The following PAGE2B variants were observed in gnomAD, a reference collection of about 807,000 sequenced individuals.
PAGE2B encodes the protein PAGE family member 2B, also known as putative G antigen family E member 3.
PAGE2B carries 5 observed loss-of-function variants against 7.6 expected under a neutral mutation model. That is an observed-to-expected ratio of 0.66 (90% CI 0.34 to 1.38). The LOEUF (loss-of-function observed/expected upper bound fraction) is 1.38. Among genes scored for constraint, PAGE2B ranks in the 40% most tolerant of loss-of-function variants. The pLI is 0.04. For synonymous variants in PAGE2B, 29 were observed against 26.7 expected (o/e 1.09, Z -0.27); for missense variants, 70 against 78.4 (o/e 0.89, Z 0.41).
At chrX:55,075,271 G>A (rs767677665) in intron 1 of PAGE2B, among the ~76,000 whole-genome samples, 157 bp downstream of exon 1, 2 of 111,905 alleles carry the variant, frequency 1.8e-5, no homozygotes, top group Non-Finnish European at 3.8e-5. Flanking sequence ...GGATGCCACC[G>A]TGGGACTTGT....
the PAGE2B span, among the ~76,000 whole-genome samples, chrX:55,051,132 C>G: frequency 9.0e-6 from 1 of 111,405 alleles, no homozygotes; most frequent in African/African-American, 3.3e-5. Context: ...TGTTGAATAT[C>G]GGCCCCCACT....
chrX:55,043,953 C>T, the PAGE2B span, among the ~76,000 whole-genome samples: 11 of 102,779 alleles, frequency 1.1e-4, no homozygotes, highest in South Asian at 4.3e-4. Context: ...GCAACAAGAG[C>T]GAAACTCTGT....
At chrX:55,060,111 A>T in the PAGE2B span, among the ~76,000 whole-genome samples, 4 of 111,759 alleles carry the variant, frequency 3.6e-5, no homozygotes, top group East Asian at 1.1e-3. Context: ...AAGTGCAGGT[A>T]TGTCTTTGAC....
chrX:55,074,809 GA>G (rs1936485673), upstream of PAGE2B, among the ~76,000 whole-genome samples: 1 of 112,605 alleles, frequency 8.9e-6, no homozygotes, highest in Admixed American at 9.4e-5. Flanking sequence ...GGAAGTGAAA[GA>G]AAGGGTGGGC....
the PAGE2B span, among the ~76,000 whole-genome samples, chrX:55,063,810 G>T: frequency 9.0e-6 from 1 of 111,330 alleles, no homozygotes; most frequent in Non-Finnish European, 1.9e-5. Flanking sequence ...CAATTGAAAT[G>T]ATCATATGGT....
At chrX:55,076,960 G>A (rs1385794001) in intron 3 of PAGE2B, among the ~76,000 whole-genome samples, 2 of 111,134 alleles carry the variant, frequency 1.8e-5, no homozygotes, top group Non-Finnish European at 3.8e-5. Context: ...GTTTTTTGTT[G>A]CTGTGGAAGA....
chrX:55,077,990 AAGAT>A (rs1218773946), intron 4 of PAGE2B, among the ~76,000 whole-genome samples: 1 of 86,607 alleles, frequency 1.2e-5, no homozygotes, highest in African/African-American at 4.8e-5. Flanking sequence ...TTTTTAAAGA[AAGAT>A]GAAAACGTGT....
the PAGE2B span, among the ~76,000 whole-genome samples, chrX:55,028,394 G>A: frequency 5.4e-5 from 6 of 111,204 alleles, no homozygotes; most frequent in Admixed American, 2.9e-4. Context: ...CCAGGCTCCT[G>A]TAAACTCCCC....
chrX:55,037,172 C>G, the PAGE2B span, among the ~76,000 whole-genome samples: 1 of 111,553 alleles, frequency 9.0e-6, no homozygotes, highest in Non-Finnish European at 1.9e-5. Flanking sequence ...GGCTAATATC[C>G]AGAATCTACA....
chrX:55,053,325 A>G, the PAGE2B span, among the ~76,000 whole-genome samples: 2 of 111,761 alleles, frequency 1.8e-5, no homozygotes, highest in African/African-American at 3.3e-5. Flanking sequence ...AACAATGAGA[A>G]CACATGGACA....
the PAGE2B span, among the ~76,000 whole-genome samples, chrX:55,040,799 T>C: frequency 9.0e-6 from 1 of 111,607 alleles, no homozygotes; most frequent in Non-Finnish European, 1.9e-5. Flanking sequence ...ATATGGTAAA[T>C]TTTATGTTAA....
At chrX:55,046,274 C>T in the PAGE2B span, among the ~76,000 whole-genome samples, 11 of 110,764 alleles carry the variant, frequency 9.9e-5, no homozygotes, top group Non-Finnish European at 1.3e-4. Context: ...TCACCACGCC[C>T]AGCTAAATTT....
chrX:55,063,986 A>T, the PAGE2B span, among the ~76,000 whole-genome samples: 1 of 111,270 alleles, frequency 9.0e-6, no homozygotes. Flanking sequence ...TTTTTATATC[A>T]ATATTCATCA....
In PAGE2B at chrX:55,076,124, T is replaced by C. The variant is rs367807556; in HGVS notation, c.83T>C (p.Ile28Thr). 418 of 1,199,394 alleles carry C rather than the reference T, an allele frequency of 3.5e-4. 2 individuals carry two copies. In the South Asian group the frequency reaches 6.6e-3, roughly 19 times the overall value. Reference sequence around the variant, plus strand: ...TCTTCCCAGCCAGTTGGATCTGTGATTGTGAGTCCTTTAACATTTGATGTT... The same window carrying C: ...TCTTCCCAGCCAGTTGGATCTGTGACTGTGAGTCCTTTAACATTTGATGTT... ...QESSQPVGSV[I>T]VQEPTEEKRQ... Residue 28 changes from isoleucine (I) to threonine (T), a missense_variant and splice_region_variant, in exon 2 of 5, where the codon ATT becomes ACT. Transcript: ENST00000374971.
the PAGE2B span, among the ~76,000 whole-genome samples, chrX:55,042,523 G>A: frequency 0.028 from 2,911 of 104,920 alleles, 45 homozygotes; most frequent in Non-Finnish European, 0.046. Flanking sequence ...GCGTAGTGGC[G>A]GGCGCCTGTA....
At chrX:55,065,216 A>G in the PAGE2B span, among the ~76,000 whole-genome samples, 1 of 111,467 alleles carries the variant, frequency 9.0e-6, no homozygotes, top group African/African-American at 3.3e-5. Flanking sequence ...TTTGCTTTAT[A>G]TATCTGGGTG....
the PAGE2B span, among the ~76,000 whole-genome samples, chrX:55,069,664 A>G: frequency 9.0e-6 from 1 of 111,510 alleles, no homozygotes; most frequent in Non-Finnish European, 1.9e-5. Context: ...CTGTGAATCC[A>G]TCTGGTCCTG....
At chrX:55,071,002 G>A (rs1936443321), upstream of PAGE2B, among the ~76,000 whole-genome samples, 1 of 111,812 alleles carries the variant, frequency 8.9e-6, no homozygotes, top group South Asian at 3.7e-4. Flanking sequence ...GCCAGTCTGT[G>A]TCTTTTAATT....
At chrX:55,049,443 T>G in the PAGE2B span, among the ~76,000 whole-genome samples, 3 of 110,898 alleles carry the variant, frequency 2.7e-5, no homozygotes, top group Admixed American at 9.6e-5. Flanking sequence ...TCCTGGACTT[T>G]TTTTGGTTGG....
Sources: gnomAD v4.1 joint callset for allele counts (sites outside exome capture counted in the v4.1 genomes callset) on GRCh38, gnomAD v4.1.1 for gene constraint, MANE v1.5 for transcripts, NCBI Gene and HGNC (gene_info 2026-07-23, HGNC 2026-07-21) for gene names.